CEP83: variants seen among roughly 807,000 people sequenced by gnomAD.
CEP83 encodes the protein centrosomal protein of 83 kDa.
CEP83 carries 70 observed loss-of-function variants against 101.9 expected under a neutral mutation model. The observed-to-expected ratio is 0.69, with a 90% CI of 0.57 to 0.84. The LOEUF (loss-of-function observed/expected upper bound fraction) is 0.84. Among genes scored for constraint, CEP83 ranks in the 40% least tolerant of loss-of-function variants. The pLI is 0.00. For missense variants in CEP83, 715 were observed against 787.2 expected, an observed-to-expected ratio of 0.91 and a Z score of 1.10; for synonymous variants, 264 against 267.9, an observed-to-expected ratio of 0.99 and a Z score of 0.14.
intron 2 of CEP83, among the ~76,000 whole-genome samples, chr12:94,430,854 C>T (rs1173367887): frequency 1.3e-5 from 2 of 152,056 alleles, no homozygotes; most frequent in Admixed American, 6.5e-5. Flanking sequence ...AAGAGAATTC[C>T]AAAAACAGCG....
rs1970707981 is a variant in CEP83 at position 94,316,478 on chromosome 12, A to ACATGTGCAGGTTTGTTTTATAGGTACACT, written c.1708-3462_1708-3461insAGTGTACCTATAAAACAAACCTGCACATG. 2.0e-5 allele frequency among the ~76,000 whole-genome samples: 3 copies of ACATGTGCAGGTTTGTTTTATAGGTACACT among 151,108 alleles called. No homozygotes were observed. The East Asian group carries it at 5.9e-4, about 29-fold the overall frequency. Reference sequence around the variant, plus strand: ...TAAAACTTTTTTTAGGCTCAGAGGTACATGTGCAGGTTTGTTTTATAGGTA... The same window carrying ACATGTGCAGGTTTGTTTTATAGGTACACT: ...TAAAACTTTTTTTAGGCTCAGAGGTACATGTGCAGGTTTGTTTTATAGGTACACTCATGTGCAGGTTTGTTTTATAGGTA... On this transcript the variant is annotated intron_variant, in intron 14 of 16. Coordinates refer to ENST00000397809, the MANE Select transcript of CEP83 (RefSeq NM_016122.3).
At chr12:94,401,877 T>C (rs1004500311) in intron 5 of CEP83, among the ~76,000 whole-genome samples, 1 of 152,182 alleles carries the variant, frequency 6.6e-6, no homozygotes, top group Non-Finnish European at 1.5e-5. Context: ...AGGACTGTAT[T>C]AGAAAGATCA....
At chr12:94,274,968 T>C in the CEP83 span, among the ~76,000 whole-genome samples, 4 of 152,242 alleles carry the variant, frequency 2.6e-5, 1 homozygote, top group South Asian at 6.2e-4. Flanking sequence ...GCTATTATTA[T>C]GTGTCATTAT....
At chr12:94,375,242 G>A (rs752167543) in intron 8 of CEP83, among the ~76,000 whole-genome samples, 3 of 152,052 alleles carry the variant, frequency 2.0e-5, no homozygotes, top group Non-Finnish European at 4.4e-5. Context: ...AAAGACAGAG[G>A]AAGAAGGAAG....
intron 2 of CEP83, among the ~76,000 whole-genome samples, chr12:94,422,644 A>C (rs1012756137): frequency 7.2e-5 from 11 of 152,142 alleles, no homozygotes; most frequent in African/African-American, 2.7e-4. Context: ...AGAGGCAACC[A>C]CTTTTGTGGT....
chr12:94,319,130 A>G (rs1163748201), intron 14 of CEP83, among the ~76,000 whole-genome samples: 1 of 152,066 alleles, frequency 6.6e-6, no homozygotes, highest in Non-Finnish European at 1.5e-5. Context: ...TCCTGGTTCT[A>G]TCTTGGGAAG....
chr12:94,287,585 G>C, the CEP83 span, among the ~76,000 whole-genome samples: 1 of 152,242 alleles, frequency 6.6e-6, no homozygotes, highest in Non-Finnish European at 1.5e-5. Flanking sequence ...GCAAGGTTTT[G>C]AGAGGCAGAA....
intron 7 of CEP83, among the ~76,000 whole-genome samples, chr12:94,377,880 A>C (rs896229231): frequency 6.6e-6 from 1 of 152,232 alleles, no homozygotes; most frequent in Non-Finnish European, 1.5e-5. Flanking sequence ...GTACAATGAT[A>C]CTGACAACTT....
chr12:94,352,334 C>T (rs888921910), intron 11 of CEP83, among the ~76,000 whole-genome samples: 2 of 151,082 alleles, frequency 1.3e-5, no homozygotes, highest in African/African-American at 2.4e-5. Context: ...GCAGGAAAAT[C>T]GCTTAAACCT....
chr12:94,386,317 T>C (rs540828431), intron 6 of CEP83, among the ~76,000 whole-genome samples: 5 of 152,182 alleles, frequency 3.3e-5, no homozygotes, highest in Admixed American at 6.5e-5. Flanking sequence ...CCCAGTCCCA[T>C]GTGAACTCTA....
At chr12:94,454,805 C>T (rs751050511) in intron 1 of CEP83, among the ~76,000 whole-genome samples, 1 of 152,078 alleles carries the variant, frequency 6.6e-6, no homozygotes, top group African/African-American at 2.4e-5. Flanking sequence ...GACGCGCCAC[C>T]TTTAAGAGCT....
intron 11 of CEP83, among the ~76,000 whole-genome samples, chr12:94,352,040 G>GA (rs2060221843): frequency 6.6e-6 from 1 of 152,086 alleles, no homozygotes; most frequent in Admixed American, 6.5e-5. Flanking sequence ...AAATATACAG[G>GA]AAAAAGTCCT....
At chr12:94,281,347 A>C in the CEP83 span, among the ~76,000 whole-genome samples, 1 of 152,198 alleles carries the variant, frequency 6.6e-6, no homozygotes, top group African/African-American at 2.4e-5. Context: ...TGGAGCTCTT[A>C]CAGCAGAGAC....
rs145201062 is a variant in CEP83, at chr12:94,417,983, T to G, written c.-101-5392A>C. On this transcript the variant is annotated intron_variant, in intron 2 of 16. Transcript: ENST00000397809. ...TTAAACAAACAATGACAAACAAGCT[T>G]GAAATAAATGAAAAGAGGGTCACAG... Among the ~76,000 whole-genome samples the G allele has an allele frequency of 2.0e-3, 305 of 152,098 alleles. 1 individual carries two copies. Among genetic ancestry groups the G allele is most frequent in the African/African-American group, 6.8e-3 (283 of 41,486 alleles).
At chr12:94,337,393 A>G (rs1313185963) in intron 11 of CEP83, among the ~76,000 whole-genome samples, 1 of 152,080 alleles carries the variant, frequency 6.6e-6, no homozygotes, top group Non-Finnish European at 1.5e-5. Flanking sequence ...AGAATCTAAA[A>G]CTCATTTTTT....
At chr12:94,380,456 T>C (rs2061785419) in intron 6 of CEP83, among the ~76,000 whole-genome samples, 1 of 152,290 alleles carries the variant, frequency 6.6e-6, no homozygotes, top group Middle Eastern at 3.4e-3. Flanking sequence ...CTAATTAGTA[T>C]TTCTCTCCTA....
At chr12:94,421,609 T>C (rs1195463818) in intron 2 of CEP83, among the ~76,000 whole-genome samples, 2 of 152,226 alleles carry the variant, frequency 1.3e-5, no homozygotes, top group Non-Finnish European at 2.9e-5. Flanking sequence ...CATAATGAAA[T>C]GCACAAATAT....
chr12:94,440,298 T>C (rs2066303924), intron 1 of CEP83, among the ~76,000 whole-genome samples: 1 of 151,978 alleles, frequency 6.6e-6, no homozygotes, highest in Admixed American at 6.6e-5. Context: ...TAAAAACTCA[T>C]CCAAAAAGCT....
At chr12:94,374,003 T>C (rs780137691) in intron 8 of CEP83, among the ~76,000 whole-genome samples, 13 of 152,198 alleles carry the variant, frequency 8.5e-5, no homozygotes, top group Non-Finnish European at 1.5e-4. Flanking sequence ...TCCATTTATA[T>C]GCAAAATAAG....
Sources: allele counts gnomAD v4.1 joint callset (sites outside exome capture counted in the v4.1 genomes callset), GRCh38; gene constraint gnomAD v4.1.1; transcripts MANE v1.5; gene names NCBI Gene and HGNC (gene_info 2026-07-23, HGNC 2026-07-21).